IFT22: variants seen among roughly 807,000 people sequenced by gnomAD.
IFT22 encodes the protein intraflagellar transport 22, also known as intraflagellar transport protein 22 homolog.
A neutral mutation model predicts 21.0 loss-of-function variants in IFT22; 13 were observed. The observed-to-expected ratio is 0.62, with a 90% CI of 0.40 to 0.98. IFT22 has a LOEUF of 0.98. IFT22 is among the 50% of genes least tolerant of loss of function. The pLI is 0.00. For missense variants in IFT22, 227 were observed against 228.9 expected, an observed-to-expected ratio of 0.99 and a Z score of 0.06; for synonymous variants, 67 against 82.4, an observed-to-expected ratio of 0.81 and a Z score of 1.01.
intron 4 of IFT22, 192 bp from the exon 5 acceptor site, chr7:101,315,474 T>C (rs1004556020): frequency 2.1e-5 from 13 of 608,784 alleles, no homozygotes; most frequent in Admixed American, 1.8e-4. Context: ...TACAAACCAC[T>C]TTCCAGGTCT....
chr7:101,312,065 C>T lies in IFT22; in HGVS notation c.*3069G>A, dbSNP rs1041277394. Reference sequence around the variant, plus strand: ...TATCTAGTGATTCTGTACATTAAATCTTTTGAACATGTTTACCAATTTGGT... The same window carrying T: ...TATCTAGTGATTCTGTACATTAAATTTTTTGAACATGTTTACCAATTTGGT... On this transcript the variant is annotated 3_prime_UTR_variant, in exon 5 of 5. Transcript: ENST00000315322. Among the ~76,000 whole-genome samples, 1 of 151,968 alleles carries T rather than the reference C, an allele frequency of 6.6e-6. No individual in the cohort carries two copies. The highest frequency in any genetic ancestry group is 1.5e-5 in the Non-Finnish European group (1 of 68,000).
In IFT22 at chr7:101,314,946, C is replaced by T. The variant is rs1584307808; in HGVS notation, c.*188G>A. On this transcript the variant is annotated 3_prime_UTR_variant, in exon 5 of 5. Transcript: ENST00000315322. ...AAATTTGATAATAGGATTTTCTCAA[C>T]TGAACTCAGGGCAGAGCACAGATGG... is the stretch of plus-strand genomic sequence containing the variant. 1.7e-6 allele frequency: 1 copy of T among 579,348 alleles called. No individual in the cohort carries two copies. The allele number at this position is 579,348 out of a possible 1,614,324, so 35.9% of individuals were successfully genotyped here. A position where few individuals can be genotyped will look rare whatever the true frequency, so the allele number is the denominator to read the frequency against.
chr7:101,318,242 G>A, intron 2 of IFT22, 29 bp from the exon 3 acceptor site: 1 of 1,567,962 alleles, frequency 6.4e-7, no homozygotes, highest in Non-Finnish European at 8.8e-7. Flanking sequence ...GCAGTAGGCT[G>A]GGTGCAGTGG....
In IFT22 at chr7:101,311,270, C is replaced by T. The variant is rs1477563342; in HGVS notation, c.*3864G>A. ...CCTCCCAAAGTGCTGGGATTACAGG[C>T]GTGAGCCACTGCGCCTGGCCTTGGG... On this transcript the variant is annotated 3_prime_UTR_variant, in exon 5 of 5. Transcript: ENST00000315322. 6.6e-6 allele frequency among the ~76,000 whole-genome samples: 1 copy of T among 152,052 alleles called. No individual in the cohort carries two copies. Among genetic ancestry groups the T allele is most frequent in the Non-Finnish European group, 1.5e-5 (1 of 68,022 alleles).
At chr7:101,315,358 A>C in intron 4 of IFT22, 76 bp from the exon 5 acceptor site, 4 of 1,496,340 alleles carry the variant, frequency 2.7e-6, no homozygotes, top group Non-Finnish European at 2.8e-6. Context: ...TGAAACTTCT[A>C]GAAGAAATTT....
intron 3 of IFT22, 108 bp from the exon 4 acceptor site, chr7:101,316,650 C>A: frequency 1.8e-6 from 2 of 1,085,652 alleles, no homozygotes; most frequent in Non-Finnish European, 2.7e-6. Context: ...GACGGCTGGG[C>A]GTGGTGGCTC....
chr7:101,319,105 G>T (rs757772465), intron 1 of IFT22, 73 bp from the exon 2 acceptor site: 1 of 1,500,888 alleles, frequency 6.7e-7, no homozygotes, highest in South Asian at 1.1e-5. Flanking sequence ...ACCCCAAGAG[G>T]TGGCCTGGAA....
intron 1 of IFT22, 103 bp downstream of exon 1, chr7:101,321,568 C>T: frequency 7.8e-7 from 1 of 1,285,434 alleles, no homozygotes; most frequent in Non-Finnish European, 1.1e-6. Flanking sequence ...CCCGGGTTCC[C>T]GCCTCCGGGA....
At chr7:101,319,149 T>G in intron 1 of IFT22, 117 bp from the exon 2 acceptor site, 1 of 882,494 alleles carries the variant, frequency 1.1e-6, no homozygotes, top group Non-Finnish European at 1.8e-6. Flanking sequence ...ATGGGCACCC[T>G]GAGATCACTG....
At chr7:101,319,803 C>T (rs538461347) in intron 1 of IFT22, among the ~76,000 whole-genome samples, 1 of 151,810 alleles carries the variant, frequency 6.6e-6, no homozygotes, top group East Asian at 1.9e-4. Context: ...CATCACCATG[C>T]CCAGCTAATT....
intron 2 of IFT22, chr7:101,318,520 A>C (rs67705526): frequency 0.16 from 32,831 of 205,570 alleles, 2,268 homozygotes; most frequent in Middle Eastern, 0.23. Flanking sequence ...ACTCCATCCC[A>C]AAAAAAAAAG....
Position 101,311,975 on chromosome 7 carries a change from A to C in IFT22, c.*3159T>G, listed in dbSNP as rs180990059. Among the ~76,000 whole-genome samples, 411 of 152,114 alleles carry C rather than the reference A, an allele frequency of 2.7e-3. No homozygotes were observed. Among genetic ancestry groups the C allele is most frequent in the Non-Finnish European group, 5.3e-3 (360 of 67,964 alleles). ...GTGAGACTCTCAAAAAAACAAAACA[A>C]CACAAAAAAATCTCCTAAGATGATT... On this transcript the variant is annotated 3_prime_UTR_variant, in exon 5 of 5. Coordinates refer to ENST00000315322, the MANE Select transcript of IFT22 (RefSeq NM_022777.4).
At chr7:101,318,700 G>A (rs1327187113) in intron 2 of IFT22, 20 of 422,050 alleles carry the variant, frequency 4.7e-5, no homozygotes, top group Non-Finnish European at 6.5e-5. Context: ...GCAGTGGCAC[G>A]ATCATAGCTC....
chr7:101,316,285 G>GT (rs1283875146), intron 4 of IFT22, 55 bp downstream of exon 4: 1 of 1,524,172 alleles, frequency 6.6e-7, no homozygotes. Flanking sequence ...GGGACAATAT[G>GT]TAGGTGTCCA....
In IFT22 at chr7:101,319,042, T is replaced by C. The variant is rs371974011; in HGVS notation, c.40-10A>G. ...AAACAGTTTTTCCACTCTGTGAAAA[T>C]GAGTGCAAATAAAGGTCTTTGCTGA... is the stretch of plus-strand genomic sequence containing the variant. On this transcript the variant is annotated splice_polypyrimidine_tract_variant and intron_variant, in intron 1 of 4. Coordinates refer to ENST00000315322, the MANE Select transcript of IFT22 (RefSeq NM_022777.4). 6 of 1,613,368 alleles carry C rather than the reference T, an allele frequency of 3.7e-6. No individual in the cohort carries two copies. Among genetic ancestry groups the C allele is most frequent in the African/African-American group, 2.7e-5 (2 of 74,952 alleles).
chr7:101,316,635 T>TC (rs1790163899), intron 3 of IFT22, 93 bp from the exon 4 acceptor site: 1 of 1,343,708 alleles, frequency 7.4e-7, no homozygotes, highest in African/African-American at 1.4e-5. Flanking sequence ...TAAAAGTTGG[T>TC]CTATGACGGC....
In IFT22 at chr7:101,312,008, ACTTG is replaced by A. The variant is rs776151366; in HGVS notation, c.*3122_*3125del. On this transcript the variant is annotated 3_prime_UTR_variant, in exon 5 of 5. Transcript: ENST00000315322. The stretch of plus-strand genomic sequence containing the variant: ...AAATCTCCTAAGATGATTAAAACAA[ACTTG>A]CTTCTACAATAAACCGTAAACTCAC... 1.3e-5 allele frequency among the ~76,000 whole-genome samples: 2 copies of A among 152,208 alleles called. No homozygotes were observed. The highest frequency in any genetic ancestry group is 1.9e-4 in the East Asian group (1 of 5,186).
chr7:101,316,759 T>C (rs1029024782), intron 3 of IFT22, among the ~76,000 whole-genome samples: 3 of 151,900 alleles, frequency 2.0e-5, no homozygotes, highest in African/African-American at 7.3e-5. Flanking sequence ...CCGTCTCTAC[T>C]AAAAATACAA....
chr7:101,319,304 C>T (rs1404176240), intron 1 of IFT22, among the ~76,000 whole-genome samples: 2 of 152,040 alleles, frequency 1.3e-5, no homozygotes, highest in Non-Finnish European at 2.9e-5. Context: ...TCTAGGCTCA[C>T]TGCAACCCCC....
Sources: gnomAD v4.1 joint callset for allele counts (sites outside exome capture counted in the v4.1 genomes callset) on GRCh38, gnomAD v4.1.1 for gene constraint, MANE v1.5 for transcripts, NCBI Gene and HGNC (gene_info 2026-07-23, HGNC 2026-07-21) for gene names.